Variants in HPS5 observed in about 807,000 individuals in gnomAD.
HPS5 encodes the protein BLOC-2 complex member HPS5.
In HPS5, 83 loss-of-function variants were observed where a neutral mutation model predicts 128.0. The ratio of observed to expected loss-of-function variants is 0.65; its 90% CI spans 0.54 to 0.78. The LOEUF (loss-of-function observed/expected upper bound fraction) is 0.78. HPS5 is among the 30% of genes least tolerant of loss of function. The pLI, the probability that HPS5 is intolerant of heterozygous loss-of-function variation, is 0.00. For synonymous variants in HPS5, 475 were observed against 470.2 expected, an observed-to-expected ratio of 1.01 and a Z score of -0.13; for missense variants, 1,281 against 1,326.2, an observed-to-expected ratio of 0.97 and a Z score of 0.53.
At chr11:18,294,986 T>C (rs1266023929) in intron 14 of HPS5, 34 bp downstream of exon 14, 2 of 1,612,830 alleles carry the variant, frequency 1.2e-6, no homozygotes, top group Admixed American at 3.3e-5. Context: ...CTGGATTCCC[T>C]AGAATGTATA....
At chr11:18,290,730 C>T (rs1386056868) in intron 16 of HPS5, among the ~76,000 whole-genome samples, 1 of 151,920 alleles carries the variant, frequency 6.6e-6, no homozygotes, top group African/African-American at 2.4e-5. Flanking sequence ...CAAGACCAAC[C>T]TGGGCAACAC....
In HPS5 at chr11:18,282,050, G is replaced by T. The variant is rs75482179; in HGVS notation, c.3229C>A (p.Arg1077=). ...CATTCCTGTAGCAGTGACCAAGCCC[G>T]ATCTGGGCCCATGGCCTTAGCTAAC... ...LLLAKAMGPD[R]AWSLLQECGL... Residue 1077 remains arginine (R), a synonymous_variant, in exon 22 of 23, where the codon CGG becomes AGG. Transcript: ENST00000349215. 4 of 1,614,160 alleles carry T rather than the reference G, an allele frequency of 2.5e-6. No individual in the cohort carries two copies. The highest frequency in any genetic ancestry group is 1.1e-5 in the South Asian group (1 of 91,080).
intron 10 of HPS5, 93 bp from the exon 11 acceptor site, chr11:18,297,810 T>C: frequency 8.0e-7 from 1 of 1,244,794 alleles, no homozygotes; most frequent in Non-Finnish European, 1.2e-6. Flanking sequence ...CCGGGCACGG[T>C]GGCTCACGCC....
intron 5 of HPS5, among the ~76,000 whole-genome samples, chr11:18,310,374 G>A (rs1048805815): frequency 2.0e-5 from 3 of 152,116 alleles, no homozygotes; most frequent in African/African-American, 7.2e-5. Context: ...CAGAAGCCTG[G>A]GCAATTGGTG....
intron 8 of HPS5, among the ~76,000 whole-genome samples, chr11:18,303,387 T>C (rs548255078): frequency 2.0e-5 from 3 of 152,108 alleles, no homozygotes; most frequent in Non-Finnish European, 4.4e-5. Flanking sequence ...CAGAAATAGG[T>C]TGTCTAACGT....
rs199979038 is a variant in HPS5, at chr11:18,294,917, T to C, written c.1784+103A>G. ...ACGTTCAAAGCCGTCCTGGAACACA[T>C]GAGGCCCACGGGCCACAGGCTGCAC... is the stretch of plus-strand genomic sequence containing the variant. On this transcript the variant is annotated intron_variant, in intron 14 of 22. Transcript: ENST00000349215. 4.9e-5 allele frequency: 60 copies of C among 1,214,216 alleles called. No individual in the cohort carries two copies. The East Asian group carries it at 1.4e-3, about 28-fold the overall frequency. 75.2% of individuals were successfully genotyped at this position (1,214,216 alleles called of 1,614,324 possible).
chr11:18,320,832 T>C (rs932702633), intron 1 of HPS5, among the ~76,000 whole-genome samples: 1 of 152,204 alleles, frequency 6.6e-6, no homozygotes, highest in Non-Finnish European at 1.5e-5. Context: ...TATTACAACC[T>C]AAAAACAGTA....
In HPS5 at chr11:18,291,731, CAA is replaced by C; in HGVS notation, c.2149_2150del (p.Leu717GlyfsTer2). On this transcript the variant is annotated frameshift_variant, in exon 16 of 23. Transcript: ENST00000349215. LOFTEE classifies it high-confidence loss of function. ...CECVRSPRES[L>X]DDLFQICSPC... The stretch of plus-strand genomic sequence containing the variant: ...GAGAACATATTTGAAACAGGTCATC[CAA>C]AGACTCCCTTGGACTCCTTACACAT... 1 of 1,614,196 alleles carries C rather than the reference CAA, an allele frequency of 6.2e-7. No homozygotes were observed. The highest frequency in any genetic ancestry group is 8.5e-7 in the Non-Finnish European group (1 of 1,180,026).
chr11:18,318,514 G>C (rs552789781), intron 1 of HPS5, among the ~76,000 whole-genome samples: 83 of 152,288 alleles, frequency 5.5e-4, no homozygotes, highest in Non-Finnish European at 8.5e-4. Flanking sequence ...AAAGAGACTA[G>C]ATAGGACAGA....
At position 18,283,914 on chromosome 11, in the gene HPS5, C is replaced by A. The variant is rs550866760; in HGVS notation, c.2952-13G>T. 1.9e-6 allele frequency: 3 copies of A among 1,584,886 alleles called. No individual in the cohort carries two copies. In the South Asian group the frequency reaches 3.3e-5, roughly 18 times the overall value. On this transcript the variant is annotated splice_polypyrimidine_tract_variant and intron_variant, in intron 20 of 22. Coordinates refer to ENST00000349215, the MANE Select transcript of HPS5 (RefSeq NM_181507.2). ...TCCAGGCCAGAAACTTTAAAGAGAC[C>A]GAAGTTGAAGAAAGGAATAAAAGGC... is the stretch of plus-strand genomic sequence containing the variant.
chr11:18,284,051 A>C (rs1859373449), intron 20 of HPS5, 150 bp from the exon 21 acceptor site: 1 of 644,112 alleles, frequency 1.6e-6, no homozygotes, highest in South Asian at 1.8e-5. Flanking sequence ...TTTTTCAGTT[A>C]ATATATTCAC....
rs1180841919 is a variant in HPS5 at position 18,278,877 on chromosome 11, C to G, written c.*1005G>C. On this transcript the variant is annotated 3_prime_UTR_variant, in exon 23 of 23. Transcript: ENST00000349215. The stretch of plus-strand genomic sequence containing the variant: ...AAATAACACAAGTGCTTGCTGCAGT[C>G]TTTATTAGTACACAGCTTTGTTATG... The G allele has an allele frequency of 6.6e-6, 1 of 152,586 alleles. No individual in the cohort carries two copies. The highest frequency in any genetic ancestry group is 1.5e-5 in the Non-Finnish European group (1 of 68,022). 9.5% of individuals were successfully genotyped at this position (152,586 alleles called of 1,614,324 possible).
chr11:18,284,818 G>A (rs1452729218), intron 20 of HPS5, among the ~76,000 whole-genome samples: 1 of 152,200 alleles, frequency 6.6e-6, no homozygotes, highest in African/African-American at 2.4e-5. Flanking sequence ...TGACTGAAGT[G>A]TGACATGGAT....
chr11:18,285,559 A>G (rs1396444027), intron 19 of HPS5, 100 bp from the exon 20 acceptor site: 3 of 785,756 alleles, frequency 3.8e-6, no homozygotes, highest in South Asian at 1.6e-5. Flanking sequence ...ACTGCATTCT[A>G]TTACTACATT....
intron 21 of HPS5, 47 bp downstream of exon 21, chr11:18,283,748 A>C (rs747133637): frequency 6.5e-6 from 9 of 1,388,180 alleles, no homozygotes; most frequent in Non-Finnish European, 8.2e-6. Context: ...GTCTGGAGTA[A>C]CTTCTAAAAA....
Position 18,291,974 on chromosome 11 carries a change from C to T in HPS5, c.1908G>A (p.Leu636=). Residue 636 remains leucine (L), a synonymous_variant, in exon 16 of 23, where the codon CTG becomes CTA. Transcript: ENST00000349215. ...AAAGCCACTCCTGTAAAACCATTCT[C>T]AGAGACTCGGATTCAAATAAAACCA... ...DPLVLFESES[L]RMVLQEWLSH... 2 of 1,613,642 alleles carry T rather than the reference C, an allele frequency of 1.2e-6. No homozygotes were observed. Among genetic ancestry groups the T allele is most frequent in the Non-Finnish European group, 1.7e-6 (2 of 1,179,924 alleles).
At position 18,296,880 on chromosome 11, in the gene HPS5, T is replaced by C; in HGVS notation, c.1428A>G (p.Ser476=). The change falls in exon 12 of 23, where the codon TCA becomes TCG. Residue 476 remains serine (S), a synonymous_variant. Coordinates refer to ENST00000349215, the MANE Select transcript of HPS5 (RefSeq NM_181507.2). ...TGAATTCTTTAAATCTCTCATCTTCTGAGAGGGTTTGGCTGTGAAGGGAGC... is the reference window on the plus strand; with the variant it reads ...TGAATTCTTTAAATCTCTCATCTTCCGAGAGGGTTTGGCTGTGAAGGGAGC... ...DSCSLHSQTL[S]EDERFKEFTS... is the part of the protein sequence containing the mutation. 1 of 1,613,404 alleles carries C rather than the reference T, an allele frequency of 6.2e-7. No individual in the cohort carries two copies.
intron 14 of HPS5, 136 bp downstream of exon 14, chr11:18,294,884 G>A (rs1489994266): frequency 2.2e-5 from 18 of 824,572 alleles, no homozygotes; most frequent in South Asian, 2.1e-4. Flanking sequence ...ACAAATTTGT[G>A]TTGGGCCACG....
intron 8 of HPS5, among the ~76,000 whole-genome samples, chr11:18,302,990 T>C (rs1256304341): frequency 6.6e-6 from 1 of 152,134 alleles, no homozygotes; most frequent in African/African-American, 2.4e-5. Flanking sequence ...AATTTATACA[T>C]TCCTTGTCCC....
Sources: allele counts gnomAD v4.1 joint callset (sites outside exome capture counted in the v4.1 genomes callset), GRCh38; gene constraint gnomAD v4.1.1; transcripts MANE v1.5; gene names NCBI Gene and HGNC (gene_info 2026-07-23, HGNC 2026-07-21).